The following MED23 variants were observed in gnomAD, a reference collection of about 807,000 sequenced individuals.
MED23 encodes mediator of RNA polymerase II transcription subunit 23.
Under a neutral mutation model 163.9 loss-of-function variants are expected in MED23, and 105 were observed. That is an observed-to-expected ratio of 0.64 (90% CI 0.55 to 0.75). The LOEUF is 0.75. Ranked by LOEUF, MED23 falls within the 30% of genes least tolerant of loss-of-function variation. The probability of loss-of-function intolerance (pLI) is 0.00; values close to 1 mark genes in which losing one functional copy is unlikely to be tolerated. For missense variants in MED23, 1,054 were observed against 1,649.0 expected (o/e 0.64, Z 6.25); for synonymous variants, 561 against 565.6 (o/e 0.99, Z 0.12).
rs749879214 is a variant in MED23, at chr6:131,602,985, A to G, written c.1931+45T>C. On this transcript the variant is annotated intron_variant, in intron 16 of 28. Transcript: ENST00000368068. ...GGATTAAGAACCTCATCTCCAAGAA[A>G]GTTTCTAATAAATCTTAAGGAAAGA... 6.9e-6 allele frequency: 11 copies of G among 1,593,330 alleles called. No homozygotes were observed. In the East Asian group the frequency reaches 2.5e-4, roughly 36 times the overall value.
chr6:131,599,308 C>A (rs942845387), intron 18 of MED23, among the ~76,000 whole-genome samples: 5 of 152,292 alleles, frequency 3.3e-5, no homozygotes, highest in Admixed American at 1.3e-4. Context: ...AATGCTCTAG[C>A]CCTACCAGGA....
At position 131,607,104 on chromosome 6, in the gene MED23, G is replaced by A. The variant is rs1775908097; in HGVS notation, c.1222-480C>T. On this transcript the variant is annotated intron_variant, in intron 12 of 28. Coordinates refer to ENST00000368068, the MANE Select transcript of MED23 (RefSeq NM_004830.4). ...GACTATTAATGGGTAAAATGATATG[G>A]ATGTCTGGGATTTGCTTGAAAATTG... is the stretch of plus-strand genomic sequence containing the variant. Among the ~76,000 whole-genome samples the A allele has an allele frequency of 3.3e-5, 5 of 151,990 alleles. No homozygotes were observed. The South Asian group carries it at 1.0e-3, about 32-fold the overall frequency.
At chr6:131,581,460 A>C in intron 30 of MED23, 2 of 1,405,162 alleles carry the variant, frequency 1.4e-6, no homozygotes, top group Non-Finnish European at 2.0e-6. Flanking sequence ...GAGAAACTCC[A>C]TGTTATCTTA....
Position 131,587,534 on chromosome 6 carries a change from C to G in MED23, c.*145G>C. 6.6e-7 allele frequency: 1 copy of G among 1,503,918 alleles called. No individual in the cohort carries two copies. The highest frequency in any genetic ancestry group is 8.9e-7 in the Non-Finnish European group (1 of 1,127,052). The allele number at this position is 1,503,918 out of a possible 1,614,324, so 93.2% of individuals were successfully genotyped here. A position where few individuals can be genotyped will look rare whatever the true frequency, so the allele number is the denominator to read the frequency against. On this transcript the variant is annotated 3_prime_UTR_variant, in exon 29 of 29. Coordinates refer to ENST00000368068, the MANE Select transcript of MED23 (RefSeq NM_004830.4). Reference sequence around the variant, plus strand: ...GGGAGTTATAAGGTGTCAACAGATTCATCATTTGAATCAAAATAAAACAAT... The same window carrying G: ...GGGAGTTATAAGGTGTCAACAGATTGATCATTTGAATCAAAATAAAACAAT...
intron 21 of MED23, 133 bp downstream of exon 21, chr6:131,596,385 C>T (rs1775050601): frequency 1.8e-6 from 2 of 1,088,594 alleles, no homozygotes; most frequent in East Asian, 4.9e-5. Context: ...TGAAGAAGTT[C>T]AGAGAGCTAA....
chr6:131,608,132 G>GTT (rs150378934), intron 11 of MED23, 61 bp from the exon 12 acceptor site: 1 of 1,580,488 alleles, frequency 6.3e-7, no homozygotes, highest in African/African-American at 1.4e-5. Flanking sequence ...AATACAGGAA[G>GTT]TTTTTGTTGT....
intron 30 of MED23, chr6:131,581,454 A>C (rs2114540477): frequency 1.4e-6 from 2 of 1,433,048 alleles, no homozygotes; most frequent in Non-Finnish European, 1.9e-6. Flanking sequence ...GGAAATGAGA[A>C]ACTCCATGTT....
chr6:131,592,843 C>T (rs1774746598), intron 24 of MED23, 163 bp downstream of exon 24: 1 of 838,282 alleles, frequency 1.2e-6, no homozygotes, highest in African/African-American at 1.7e-5. Context: ...AGGGCTCATT[C>T]CATAACTCCT....
Position 131,598,705 on chromosome 6 carries a change from ATTTT to A in MED23, c.2273_2276del (p.Lys758MetfsTer12). Reference sequence around the variant, plus strand: ...TCCACTTCCTATACTCCTCCTCCACATTTTTTTTCAGATTAAAACGGCTTTCCTG... The same window carrying A: ...TCCACTTCCTATACTCCTCCTCCACATTTTCAGATTAAAACGGCTTTCCTG... On this transcript the variant is annotated frameshift_variant, in exon 19 of 29. Coordinates refer to ENST00000368068, the MANE Select transcript of MED23 (RefSeq NM_004830.4). LOFTEE classifies it high-confidence loss of function. This position sits in a 1 kb window ranked among gnomAD's most constrained non-coding sequence, Gnocchi z 4.7. The A allele has an allele frequency of 1.9e-6, 3 of 1,613,624 alleles. No homozygotes were observed. The highest frequency in any genetic ancestry group is 1.7e-5 in the Admixed American group (1 of 59,998).
intron 17 of MED23, among the ~76,000 whole-genome samples, chr6:131,600,701 A>G (rs758575998): frequency 3.3e-5 from 5 of 152,228 alleles, no homozygotes; most frequent in Non-Finnish European, 7.3e-5. Context: ...GGATTCCCCA[A>G]TAGCCCTTCA....
intron 4 of MED23, among the ~76,000 whole-genome samples, 198 bp downstream of exon 4, chr6:131,624,666 GT>G (rs1237302203): frequency 2.6e-5 from 4 of 152,130 alleles, no homozygotes; most frequent in South Asian, 2.1e-4. Context: ...GAAACATCTG[GT>G]TTTGAGCCCA....
rs1307914809 is a variant in MED23, at chr6:131,615,902, A to T, written c.876+5T>A. On this transcript the variant is annotated splice_donor_5th_base_variant and intron_variant, in intron 10 of 28. Coordinates refer to ENST00000368068, the MANE Select transcript of MED23 (RefSeq NM_004830.4). ...ATTTACTAGGTTTCCAGCATAGTAC[A>T]GTACCTGCTTATTTAAACCTAGCAT... The T allele has an allele frequency of 1.9e-6, 3 of 1,605,100 alleles. No homozygotes were observed. Among genetic ancestry groups the T allele is most frequent in the Non-Finnish European group, 2.6e-6 (3 of 1,171,938 alleles).
chr6:131,610,317 G>A, intron 10 of MED23, 71 bp from the exon 11 acceptor site: 5 of 1,423,664 alleles, frequency 3.5e-6, no homozygotes, highest in Non-Finnish European at 3.9e-6. Flanking sequence ...CAGTTAATGG[G>A]CATTAATTGT....
intron 5 of MED23, 68 bp from the exon 6 acceptor site, chr6:131,622,047 G>A (rs1777149522): frequency 2.6e-6 from 3 of 1,132,558 alleles, no homozygotes; most frequent in East Asian, 4.7e-5. Flanking sequence ...AACGTCCGAA[G>A]GTTTCAGGGT....
chr6:131,608,223 T>C (rs1585522562), intron 11 of MED23, 152 bp from the exon 12 acceptor site: 1 of 736,882 alleles, frequency 1.4e-6, no homozygotes, highest in East Asian at 2.7e-5. Flanking sequence ...TAGTAATTAC[T>C]TAGTCTCAAT....
intron 10 of MED23, among the ~76,000 whole-genome samples, chr6:131,613,914 A>C (rs1439417061): frequency 6.6e-6 from 1 of 152,166 alleles, no homozygotes; most frequent in Non-Finnish European, 1.5e-5. Context: ...ATAGCTAAGG[A>C]TATCTGGGGG....
At position 131,627,625 on chromosome 6, in the gene MED23, C is replaced by A. The variant is rs866282387; in HGVS notation, c.71+16G>T. 3.7e-6 allele frequency: 6 copies of A among 1,612,594 alleles called. No individual in the cohort carries two copies. The highest frequency in any genetic ancestry group is 1.6e-4 in the Middle Eastern group (1 of 6,082). On this transcript the variant is annotated intron_variant, in intron 2 of 28. Coordinates refer to ENST00000368068, the MANE Select transcript of MED23 (RefSeq NM_004830.4). The stretch of plus-strand genomic sequence containing the variant: ...AATCACATAAAAACACAAAACTCTG[C>A]CACGCATACACTCACCCAGGAAAAG...
At position 131,598,960 on chromosome 6, in the gene MED23, T is replaced by C. The variant is rs1775269741; in HGVS notation, c.2221-199A>G. On this transcript the variant is annotated intron_variant, in intron 18 of 28. Transcript: ENST00000368068. The surrounding 1 kb of genome is among the most constrained non-coding windows in gnomAD (Gnocchi z 4.7). ...AGATTATCTCCAAGATTCCTTTTCC[T>C]AGATTTCCTAAATGGAAATTCTAAG... is the stretch of plus-strand genomic sequence containing the variant. Among the ~76,000 whole-genome samples the C allele has an allele frequency of 6.6e-6, 1 of 152,236 alleles. No homozygotes were observed. Among genetic ancestry groups the C allele is most frequent in the Non-Finnish European group, 1.5e-5 (1 of 68,042 alleles).
At position 131,628,185 on chromosome 6, in the gene MED23, C is replaced by T; in HGVS notation, c.-136G>A. 2.0e-6 allele frequency: 2 copies of T among 1,017,568 alleles called. No individual in the cohort carries two copies. The highest frequency in any genetic ancestry group is 1.8e-5 in the Admixed American group (1 of 55,220). 63.0% of individuals were successfully genotyped at this position (1,017,568 alleles called of 1,614,324 possible). A position where few individuals can be genotyped will look rare whatever the true frequency, so the allele number is the denominator to read the frequency against. ...CTCGGCGTCGCTTCCTCCCCCAGCGCTTTACCTGGAGCGTTCCCTCCCGAG... is the reference window on the plus strand; with the variant it reads ...CTCGGCGTCGCTTCCTCCCCCAGCGTTTTACCTGGAGCGTTCCCTCCCGAG... On this transcript the variant is annotated 5_prime_UTR_variant, in exon 1 of 29. Coordinates refer to ENST00000368068, the MANE Select transcript of MED23 (RefSeq NM_004830.4).
Sources: gnomAD v4.1 joint callset for allele counts (sites outside exome capture counted in the v4.1 genomes callset) on GRCh38, gnomAD v4.1.1 for gene constraint, Gnocchi (gnomAD v3.1) non-coding constraint, MANE v1.5 for transcripts, NCBI Gene and HGNC (gene_info 2026-07-23, HGNC 2026-07-21) for gene names.